Variants in GRIN2A observed in about 807,000 individuals in gnomAD.
GRIN2A encodes the protein glutamate receptor ionotropic, NMDA 2A.
GRIN2A carries 22 observed loss-of-function variants against 113.4 expected under a neutral mutation model. The observed-to-expected ratio is 0.19, with a 90% CI of 0.14 to 0.28. The LOEUF is 0.28. Among genes scored for constraint, GRIN2A ranks in the 10% least tolerant of loss-of-function variants. GRIN2A has a pLI of 1.00. For synonymous variants in GRIN2A, 827 were observed against 738.4 expected (o/e 1.12, Z -1.94); for missense variants, 1,502 against 1,887.0 (o/e 0.80, Z 3.78).
At chr16:9,873,208 A>T (rs781091700) in intron 4 of GRIN2A, among the ~76,000 whole-genome samples, 1 of 152,206 alleles carries the variant, frequency 6.6e-6, no homozygotes, top group Non-Finnish European at 1.5e-5. Context: ...GAGGAGGCTG[A>T]GGGAAGAGGC....
At chr16:9,810,609 C>A (rs1328160332) in intron 10 of GRIN2A, among the ~76,000 whole-genome samples, 2 of 152,090 alleles carry the variant, frequency 1.3e-5, no homozygotes, top group African/African-American at 4.8e-5. Context: ...TGGAGAGATG[C>A]AGCCACAAGC....
Position 9,871,431 on chromosome 16 carries a change from G to GAAA in GRIN2A, c.1122+19552_1122+19554dup, listed in dbSNP as rs759065813. ...AGACTTTTAGAAATCCACTGAAAAT[G>GAAA]AAAAAAAAAAAAAAAGGTAAAACAA... On this transcript the variant is annotated intron_variant, in intron 4 of 12. Transcript: ENST00000330684. Among the ~76,000 whole-genome samples, 965 of 98,572 alleles carry GAAA rather than the reference G, an allele frequency of 9.8e-3. 17 individuals carry two copies. The highest frequency in any genetic ancestry group is 0.033 in the African/African-American group (911 of 27,664). The allele number at this position is 98,572 out of a possible 152,430, so 64.7% of individuals were successfully genotyped here. A position where few individuals can be genotyped will look rare whatever the true frequency, so the allele number is the denominator to read the frequency against.
At chr16:10,083,204 A>C (rs1282531885) in intron 2 of GRIN2A, among the ~76,000 whole-genome samples, 1 of 152,258 alleles carries the variant, frequency 6.6e-6, no homozygotes, top group Non-Finnish European at 1.5e-5. Context: ...GAGACAATGC[A>C]AACAGGAGCT....
chr16:9,984,241 C>G (rs1350922694), intron 2 of GRIN2A, among the ~76,000 whole-genome samples: 2 of 143,460 alleles, frequency 1.4e-5, no homozygotes, highest in East Asian at 3.9e-4. Flanking sequence ...TTTTTTTTTG[C>G]TGTTGAGTTC....
At chr16:10,038,638 T>C (rs1257729233) in intron 2 of GRIN2A, among the ~76,000 whole-genome samples, 4 of 151,842 alleles carry the variant, frequency 2.6e-5, no homozygotes, top group Admixed American at 1.3e-4. Context: ...GGTCAGGAGA[T>C]AGAGATCATC....
At chr16:9,939,648 G>A (rs1373402350) in intron 2 of GRIN2A, among the ~76,000 whole-genome samples, 1 of 152,108 alleles carries the variant, frequency 6.6e-6, no homozygotes, top group Non-Finnish European at 1.5e-5. Flanking sequence ...TTGCTGGCAG[G>A]GAAAACGAGG....
At chr16:9,959,626 C>T (rs1410720021) in intron 2 of GRIN2A, among the ~76,000 whole-genome samples, 1 of 152,178 alleles carries the variant, frequency 6.6e-6, no homozygotes, top group Non-Finnish European at 1.5e-5. Flanking sequence ...AGCAAGGAGC[C>T]CAAAGAACTA....
intron 2 of GRIN2A, among the ~76,000 whole-genome samples, chr16:9,977,328 G>A (rs2045795626): frequency 6.6e-6 from 1 of 151,874 alleles, no homozygotes; most frequent in African/African-American, 2.4e-5. Context: ...GGACTGACCG[G>A]AGTTTGAATC....
At chr16:9,809,002 A>C (rs990348353) in intron 10 of GRIN2A, among the ~76,000 whole-genome samples, 69 of 152,300 alleles carry the variant, frequency 4.5e-4, no homozygotes, top group African/African-American at 1.6e-3. Context: ...AAAGAGAATG[A>C]AGGCAAAAAA....
In GRIN2A at chr16:10,144,920, C is replaced by CAAAAA. The variant is rs58751267; in HGVS notation, c.414+35073_414+35077dup. Among the ~76,000 whole-genome samples the CAAAAA allele has an allele frequency of 9.6e-3, 566 of 58,938 alleles. 29 individuals are homozygous for CAAAAA. The highest frequency in any genetic ancestry group is 0.018 in the East Asian group (28 of 1,566). The allele number at this position is 58,938 out of a possible 152,430, so 38.7% of individuals were successfully genotyped here. A position where few individuals can be genotyped will look rare whatever the true frequency, so the allele number is the denominator to read the frequency against. On this transcript the variant is annotated intron_variant, in intron 2 of 12. Transcript: ENST00000330684. Reference sequence around the variant, plus strand: ...TGGGCGACAGAGCAAGACCCTGTCTCAAAAAAAAAAAAAAAAAAAAGAGAG... The same window carrying CAAAAA: ...TGGGCGACAGAGCAAGACCCTGTCTCAAAAAAAAAAAAAAAAAAAAAAAAAGAGAG...
At chr16:9,796,415 A>AAAAC (rs1902984578) in intron 11 of GRIN2A, among the ~76,000 whole-genome samples, 1 of 152,220 alleles carries the variant, frequency 6.6e-6, no homozygotes, top group Admixed American at 6.5e-5. Context: ...TGTGATAGGC[A>AAAAC]AAACATTTGG....
At chr16:10,039,813 A>G (rs186136663) in intron 2 of GRIN2A, among the ~76,000 whole-genome samples, 15,948 of 72,926 alleles carry the variant, frequency 0.22, 2,534 homozygotes, top group East Asian at 0.54. Flanking sequence ...GGGGGGGAGA[A>G]AGAGAGAGAG....
chr16:10,001,646 C>T (rs8043728), intron 2 of GRIN2A, among the ~76,000 whole-genome samples: 14,454 of 152,162 alleles, frequency 0.095, 795 homozygotes, highest in African/African-American at 0.11. Flanking sequence ...CCCATCTCAT[C>T]GTTCTTAACT....
intron 2 of GRIN2A, among the ~76,000 whole-genome samples, chr16:10,171,770 T>G (rs886070821): frequency 6.6e-6 from 1 of 152,178 alleles, no homozygotes; most frequent in Admixed American, 6.5e-5. Context: ...TAATAAGCAT[T>G]TATTATAAGG....
Position 9,807,231 on chromosome 16 carries a change from G to A in GRIN2A, c.2169-8767C>T, listed in dbSNP as rs562898457. ...ATGGAGAGGGAGAGGGGGAAAAAGT[G>A]GGGGGAGAGAGGGAGGGAGGGGAGA... is the stretch of plus-strand genomic sequence containing the variant. On this transcript the variant is annotated intron_variant, in intron 10 of 12. Transcript: ENST00000330684. 3.7e-5 allele frequency among the ~76,000 whole-genome samples: 3 copies of A among 82,110 alleles called. No individual in the cohort carries two copies. In the East Asian group the frequency reaches 1.2e-3, roughly 32 times the overall value. 53.9% of individuals were successfully genotyped at this position (82,110 alleles called of 152,430 possible).
intron 2 of GRIN2A, among the ~76,000 whole-genome samples, chr16:10,080,073 T>A (rs1567283880): frequency 2.0e-5 from 3 of 152,232 alleles, no homozygotes; most frequent in African/African-American, 7.2e-5. Flanking sequence ...AAGTACTTAA[T>A]ACACCACATA....
intron 2 of GRIN2A, among the ~76,000 whole-genome samples, chr16:10,068,415 G>A (rs776322586): frequency 3.9e-5 from 6 of 152,338 alleles, no homozygotes; most frequent in Non-Finnish European, 7.3e-5. Flanking sequence ...AGTCATGGTG[G>A]AAGGTGAAGG....
At chr16:9,939,251 G>A (rs938177681) in intron 2 of GRIN2A, among the ~76,000 whole-genome samples, 1 of 152,188 alleles carries the variant, frequency 6.6e-6, no homozygotes, top group Non-Finnish European at 1.5e-5. Flanking sequence ...GAGAATCCAG[G>A]TGAGGAAGAG....
At chr16:10,119,572 A>G (rs1360524801) in intron 2 of GRIN2A, among the ~76,000 whole-genome samples, 1 of 152,226 alleles carries the variant, frequency 6.6e-6, no homozygotes, top group East Asian at 1.9e-4. Flanking sequence ...GGGAAAGATT[A>G]TTTTTTAACT....
Sources: allele counts gnomAD v4.1 joint callset (sites outside exome capture counted in the v4.1 genomes callset), GRCh38; gene constraint gnomAD v4.1.1; transcripts MANE v1.5; gene names NCBI Gene and HGNC (gene_info 2026-07-23, HGNC 2026-07-21).